Variants in TPD52 observed in about 807,000 individuals in gnomAD.
TPD52 encodes the protein prostate and colon associated protein.
In TPD52, 17 loss-of-function variants were observed where a neutral mutation model predicts 31.3. The ratio of observed to expected loss-of-function variants is 0.54; its 90% CI spans 0.37 to 0.82. TPD52 has a LOEUF of 0.82. TPD52 is among the 40% of genes least tolerant of loss of function. The pLI is 0.00. For missense variants in TPD52, 212 were observed against 240.1 expected, an observed-to-expected ratio of 0.88 and a Z score of 0.77; for synonymous variants, 83 against 89.6, an observed-to-expected ratio of 0.93 and a Z score of 0.42.
intron 1 of TPD52, among the ~76,000 whole-genome samples, chr8:80,087,966 A>G (rs1300029191): frequency 6.6e-6 from 1 of 152,238 alleles, no homozygotes; most frequent in Non-Finnish European, 1.5e-5. Flanking sequence ...CTTATTTACA[A>G]AATTTCTCAG....
At chr8:80,167,851 TGTA>T (rs1260030825) in intron 1 of TPD52, among the ~76,000 whole-genome samples, 1 of 152,228 alleles carries the variant, frequency 6.6e-6, no homozygotes, top group Non-Finnish European at 1.5e-5. Context: ...TAGTATAATG[TGTA>T]GTGGGCTACG....
chr8:80,080,544 C>T lies in TPD52; in HGVS notation c.20-15951G>A, dbSNP rs891095957. ...TTGGCCATATTCCCTTTGTAGGGTGCAACTTCACTGAAGAAATCAACCCCA... is the reference window on the plus strand; with the variant it reads ...TTGGCCATATTCCCTTTGTAGGGTGTAACTTCACTGAAGAAATCAACCCCA... On this transcript the variant is annotated intron_variant, in intron 1 of 7. Coordinates refer to ENST00000518937, the MANE Select transcript of TPD52 (RefSeq NM_001025253.3). 38 of 1,511,124 alleles carry T rather than the reference C, an allele frequency of 2.5e-5. No individual in the cohort carries two copies. In the Middle Eastern group the frequency reaches 8.9e-4, roughly 35 times the overall value. 93.6% of individuals were successfully genotyped at this position (1,511,124 alleles called of 1,614,324 possible).
chr8:80,127,996 GTT>G lies in TPD52; in HGVS notation c.19+43427_19+43428del, dbSNP rs930485419. On this transcript the variant is annotated intron_variant, in intron 1 of 7. Coordinates refer to ENST00000518937, the MANE Select transcript of TPD52 (RefSeq NM_001025253.3). ...TGGTTTTGGTTTGTATTTCTGTTTTGTTTTTTTTTTTACATTTTCTAACAAGC... is the reference window on the plus strand; with the variant it reads ...TGGTTTTGGTTTGTATTTCTGTTTTGTTTTTTTTTACATTTTCTAACAAGC... 5.8e-5 allele frequency among the ~76,000 whole-genome samples: 8 copies of G among 136,828 alleles called. No homozygotes were observed. The East Asian group carries it at 6.0e-4, about 10-fold the overall frequency. 89.8% of individuals were successfully genotyped at this position (136,828 alleles called of 152,430 possible). A position where few individuals can be genotyped will look rare whatever the true frequency, so the allele number is the denominator to read the frequency against.
chr8:80,085,760 C>T (rs1330487993), intron 1 of TPD52, among the ~76,000 whole-genome samples: 3 of 152,152 alleles, frequency 2.0e-5, no homozygotes, highest in Non-Finnish European at 2.9e-5. Flanking sequence ...TCGCTGGATG[C>T]TAAAGCTCGG....
chr8:80,077,035 G>T (rs1049552972), intron 1 of TPD52, among the ~76,000 whole-genome samples: 2 of 152,172 alleles, frequency 1.3e-5, no homozygotes, highest in South Asian at 2.1e-4. Context: ...CCAGCACTTT[G>T]GGAGGCCGAG....
At chr8:80,112,813 T>C (rs1807593339) in intron 1 of TPD52, among the ~76,000 whole-genome samples, 1 of 152,160 alleles carries the variant, frequency 6.6e-6, no homozygotes, top group Admixed American at 6.5e-5. Context: ...GAACTACAGG[T>C]TGAATATCCC....
intron 1 of TPD52, among the ~76,000 whole-genome samples, chr8:80,129,537 A>C (rs187706711): frequency 6.6e-6 from 1 of 151,960 alleles, no homozygotes; most frequent in East Asian, 1.9e-4. Context: ...AGTGCTCATC[A>C]CTCTTCTTTG....
intron 4 of TPD52, among the ~76,000 whole-genome samples, 187 bp from the exon 5 acceptor site, chr8:80,050,658 T>C (rs1459785246): frequency 1.3e-5 from 2 of 152,164 alleles, no homozygotes; most frequent in Non-Finnish European, 2.9e-5. Flanking sequence ...TCAAGAAAGC[T>C]ATATTTATTA....
intron 1 of TPD52, among the ~76,000 whole-genome samples, chr8:80,151,120 T>A (rs1395271640): frequency 6.6e-6 from 1 of 152,168 alleles, no homozygotes; most frequent in Non-Finnish European, 1.5e-5. Flanking sequence ...TGAATAAGTT[T>A]CATGAAATCT....
intron 1 of TPD52, among the ~76,000 whole-genome samples, chr8:80,113,967 G>A (rs1479772121): frequency 1.3e-5 from 2 of 152,080 alleles, no homozygotes; most frequent in Non-Finnish European, 2.9e-5. Context: ...ATCACAGGCC[G>A]GGCATGGTGG....
downstream of TPD52, among the ~76,000 whole-genome samples, chr8:80,034,119 C>T (rs1455254605): frequency 6.6e-6 from 1 of 152,088 alleles, no homozygotes; most frequent in Non-Finnish European, 1.5e-5. Flanking sequence ...GGGAGGGGGC[C>T]GAGGTAGCAG....
chr8:80,128,371 T>C (rs1454551071), intron 1 of TPD52, among the ~76,000 whole-genome samples: 2 of 151,694 alleles, frequency 1.3e-5, no homozygotes, highest in Non-Finnish European at 2.9e-5. Context: ...TAATTTATCA[T>C]TGGCCGGGAG....
intron 1 of TPD52, among the ~76,000 whole-genome samples, chr8:80,068,501 A>C (rs1813411646): frequency 6.6e-6 from 1 of 152,220 alleles, no homozygotes; most frequent in South Asian, 2.1e-4. Flanking sequence ...ACTGAAAATG[A>C]GTGATAATTT....
chr8:80,052,491 GCCAACTTAGATGGGTAGAAA>G, intron 3 of TPD52: 1 of 479,616 alleles, frequency 2.1e-6, no homozygotes, highest in Non-Finnish European at 3.2e-6. Flanking sequence ...TTTTCCCACT[GCCAACTTAGATGGGTAGAAA>G]ATGGACCAAA....
chr8:80,133,762 G>A (rs1284660377), intron 1 of TPD52, among the ~76,000 whole-genome samples: 2 of 145,974 alleles, frequency 1.4e-5, no homozygotes, highest in African/African-American at 5.2e-5. Context: ...TGGTACCGCT[G>A]ATGCTAAAAA....
rs544886329 is a variant in TPD52, at chr8:80,096,317, C to T, written c.20-31724G>A. 6.9e-3 allele frequency among the ~76,000 whole-genome samples: 1,017 copies of T among 147,594 alleles called. 4 individuals carry two copies. Among genetic ancestry groups the T allele is most frequent in the Non-Finnish European group, 0.012 (799 of 66,374 alleles). ...ACACACACACACACACACACACACACAAACTTCTCCTAGTCTGCCTGGGGT... is the reference window on the plus strand; with the variant it reads ...ACACACACACACACACACACACACATAAACTTCTCCTAGTCTGCCTGGGGT... On this transcript the variant is annotated intron_variant, in intron 1 of 7. Transcript: ENST00000518937.
intron 1 of TPD52, among the ~76,000 whole-genome samples, chr8:80,132,152 C>A (rs1021553104): frequency 4.6e-5 from 7 of 151,746 alleles, no homozygotes; most frequent in African/African-American, 1.7e-4. Context: ...ACCTCAGCTT[C>A]TCAAATAGCT....
intron 1 of TPD52, among the ~76,000 whole-genome samples, chr8:80,165,055 T>C (rs759506739): frequency 3.3e-5 from 5 of 151,210 alleles, no homozygotes; most frequent in East Asian, 1.9e-4. Flanking sequence ...AATAGAAAAA[T>C]TGGCAAAAGA....
chr8:80,144,421 T>A (rs1349123403), intron 1 of TPD52, among the ~76,000 whole-genome samples: 1 of 152,154 alleles, frequency 6.6e-6, no homozygotes, highest in Admixed American at 6.5e-5. Flanking sequence ...CAGAACCAAC[T>A]AGGCACTTCC....
Sources: gnomAD v4.1 joint callset for allele counts (sites outside exome capture counted in the v4.1 genomes callset) on GRCh38, gnomAD v4.1.1 for gene constraint, MANE v1.5 for transcripts, NCBI Gene and HGNC (gene_info 2026-07-23, HGNC 2026-07-21) for gene names.